Variants in PTPRD observed in about 807,000 individuals in gnomAD.
PTPRD encodes the protein protein tyrosine phosphatase receptor type D, also known as receptor-type tyrosine-protein phosphatase delta.
In PTPRD, 34 loss-of-function variants were observed where a neutral mutation model predicts 214.5. That is an observed-to-expected ratio of 0.16 (90% CI 0.12 to 0.21). The LOEUF (loss-of-function observed/expected upper bound fraction) is 0.21, where lower values mean the gene tolerates loss of function less well. Ranked by LOEUF, PTPRD falls within the 10% of genes least tolerant of loss-of-function variation. The pLI, the probability that PTPRD is intolerant of heterozygous loss-of-function variation, is 1.00. For synonymous variants in PTPRD, 1,128 were observed against 845.7 expected (o/e 1.33, Z -5.79); for missense variants, 2,545 against 2,398.7 (o/e 1.06, Z -1.27).
rs796097300 is a variant in PTPRD at position 8,690,265 on chromosome 9, T to C, written c.64+43515A>G. Reference sequence around the variant, plus strand: ...AGATTTGGCCGGGTGCGGAGGCTTGTGTCTGCAGTCCCAGCACTTTGGGAG... The same window carrying C: ...AGATTTGGCCGGGTGCGGAGGCTTGCGTCTGCAGTCCCAGCACTTTGGGAG... On this transcript the variant is annotated intron_variant, in intron 12 of 45. Transcript: ENST00000381196. Among the ~76,000 whole-genome samples the C allele has an allele frequency of 6.1e-4, 93 of 152,240 alleles. 1 individual carries two copies. The highest frequency in any genetic ancestry group is 2.2e-3 in the African/African-American group (90 of 41,540).
intron 7 of PTPRD, among the ~76,000 whole-genome samples, chr9:9,696,211 T>C (rs1316905893): frequency 6.6e-6 from 1 of 152,188 alleles, no homozygotes; most frequent in Non-Finnish European, 1.5e-5. Context: ...AGAATAATTT[T>C]GTAGCCTAAC....
At position 8,592,420 on chromosome 9, in the gene PTPRD, T is replaced by A. The variant is rs12347230; in HGVS notation, c.352+40897A>T. Among the ~76,000 whole-genome samples the A allele has an allele frequency of 9.2e-3, 1,395 of 152,210 alleles. 14 individuals are homozygous for A. The highest frequency in any genetic ancestry group is 0.032 in the African/African-American group (1,329 of 41,504). Reference sequence around the variant, plus strand: ...CCTATAGGGAGTTAGAGTTGACTCCTAAGTGAGTAACTGCTTGCCACTGAC... The same window carrying A: ...CCTATAGGGAGTTAGAGTTGACTCCAAAGTGAGTAACTGCTTGCCACTGAC... On this transcript the variant is annotated intron_variant, in intron 14 of 45. Transcript: ENST00000381196.
intron 7 of PTPRD, among the ~76,000 whole-genome samples, chr9:9,639,164 G>T (rs2095860333): frequency 6.6e-6 from 1 of 152,122 alleles, no homozygotes; most frequent in Admixed American, 6.6e-5. Context: ...TTGATTTGGG[G>T]TCTGCAAGCA....
In PTPRD at chr9:9,084,494, T is replaced by C. The variant is rs141125127; in HGVS notation, c.-142-65759A>G. Among the ~76,000 whole-genome samples the C allele has an allele frequency of 6.6e-4, 101 of 152,246 alleles. No homozygotes were observed. The East Asian group carries it at 0.018, about 27-fold the overall frequency. On this transcript the variant is annotated intron_variant, in intron 10 of 45. Coordinates refer to ENST00000381196, the MANE Select transcript of PTPRD (RefSeq NM_002839.4). ...GTTCAGCAAACCACCAGGGCATGTG[T>C]ATACCTATGTAACAAACCTGCATGT...
chr9:9,604,420 T>C (rs1563999594), intron 7 of PTPRD, among the ~76,000 whole-genome samples: 1 of 152,066 alleles, frequency 6.6e-6, no homozygotes, highest in Non-Finnish European at 1.5e-5. Context: ...ATACATAAAA[T>C]AAGAGAGATC....
intron 4 of PTPRD, among the ~76,000 whole-genome samples, chr9:9,989,706 C>T: frequency 6.6e-6 from 1 of 152,182 alleles, no homozygotes; most frequent in South Asian, 2.1e-4. Flanking sequence ...AACTGTTTAA[C>T]ATTTAAGCAA....
intron 7 of PTPRD, among the ~76,000 whole-genome samples, chr9:9,649,151 G>C (rs1594175469): frequency 6.6e-6 from 1 of 152,128 alleles, no homozygotes; most frequent in Non-Finnish European, 1.5e-5. Context: ...CATATATCAT[G>C]TAGCCATATA....
intron 14 of PTPRD, among the ~76,000 whole-genome samples, chr9:8,579,332 T>C (rs894404966): frequency 2.0e-5 from 3 of 152,224 alleles, no homozygotes; most frequent in Admixed American, 6.5e-5. Flanking sequence ...GAAATAATTT[T>C]AAAAGAAAAG....
At chr9:10,604,096 T>C (rs1162640707) in intron 2 of PTPRD, among the ~76,000 whole-genome samples, 1 of 151,652 alleles carries the variant, frequency 6.6e-6, no homozygotes, top group Admixed American at 6.6e-5. Flanking sequence ...AACTTGGCAA[T>C]AGAAACAGAA....
chr9:8,611,054 G>A (rs2095428613), intron 14 of PTPRD, among the ~76,000 whole-genome samples: 1 of 151,960 alleles, frequency 6.6e-6, no homozygotes, highest in African/African-American at 2.4e-5. Context: ...TAAATACTAG[G>A]ATACTCAAAA....
At chr9:9,561,702 A>G (rs2082999571) in intron 8 of PTPRD, among the ~76,000 whole-genome samples, 1 of 152,222 alleles carries the variant, frequency 6.6e-6, no homozygotes, top group South Asian at 2.1e-4. Flanking sequence ...CTAATTTATA[A>G]AACATCCGTG....
At chr9:9,718,622 C>T (rs2154430833) in intron 7 of PTPRD, among the ~76,000 whole-genome samples, 1 of 152,372 alleles carries the variant, frequency 6.6e-6, no homozygotes, top group South Asian at 2.1e-4. Context: ...ACTCCCTGGC[C>T]TCTCCCTGCT....
chr9:9,711,754 A>G (rs890095088), intron 7 of PTPRD, among the ~76,000 whole-genome samples: 1 of 152,200 alleles, frequency 6.6e-6, no homozygotes, highest in Admixed American at 6.5e-5. Context: ...TAATATATAT[A>G]GCATGACCTT....
intron 11 of PTPRD, among the ~76,000 whole-genome samples, chr9:8,838,163 TA>T (rs1224391969): frequency 6.6e-6 from 1 of 151,498 alleles, no homozygotes; most frequent in Non-Finnish European, 1.5e-5. Context: ...CACAGATGTA[TA>T]AAAAAATTAA....
intron 10 of PTPRD, among the ~76,000 whole-genome samples, chr9:9,051,447 T>C (rs1407594594): frequency 6.6e-6 from 1 of 152,202 alleles, no homozygotes; most frequent in Non-Finnish European, 1.5e-5. Flanking sequence ...TTGATCTAAA[T>C]GCAAATGTAG....
At chr9:10,266,925 T>G (rs1239585259) in intron 3 of PTPRD, among the ~76,000 whole-genome samples, 1 of 152,016 alleles carries the variant, frequency 6.6e-6, no homozygotes, top group African/African-American at 2.4e-5. Flanking sequence ...GCATGGTGGC[T>G]CACATCTGTA....
At chr9:9,188,376 G>A (rs1473685563) in intron 9 of PTPRD, among the ~76,000 whole-genome samples, 1 of 152,028 alleles carries the variant, frequency 6.6e-6, no homozygotes, top group Non-Finnish European at 1.5e-5. Context: ...TGTAGATAAT[G>A]AGGAGTGGAA....
intron 7 of PTPRD, among the ~76,000 whole-genome samples, chr9:9,681,988 A>C (rs1287431748): frequency 6.6e-6 from 1 of 151,778 alleles, no homozygotes; most frequent in Non-Finnish European, 1.5e-5. Flanking sequence ...CATCACCTTG[A>C]ACTTTCTCAT....
Position 9,665,219 on chromosome 9 carries a change from C to T in PTPRD, c.-287+69314G>A, listed in dbSNP as rs185162937. Among the ~76,000 whole-genome samples the T allele has an allele frequency of 4.0e-4, 61 of 151,578 alleles. No homozygotes were observed. In the East Asian group the frequency reaches 7.5e-3, roughly 19 times the overall value. On this transcript the variant is annotated intron_variant, in intron 7 of 45. Coordinates refer to ENST00000381196, the MANE Select transcript of PTPRD (RefSeq NM_002839.4). ...CGGCAAAGAGCCAACTTTCTTGTAACGAATAAAACCTTAGAATGGTCCATT... is the reference window on the plus strand; with the variant it reads ...CGGCAAAGAGCCAACTTTCTTGTAATGAATAAAACCTTAGAATGGTCCATT...
Sources: allele counts gnomAD v4.1 joint callset (sites outside exome capture counted in the v4.1 genomes callset), GRCh38; gene constraint gnomAD v4.1.1; transcripts MANE v1.5; gene names NCBI Gene and HGNC (gene_info 2026-07-23, HGNC 2026-07-21).